The following SON variants were observed in gnomAD, a reference collection of about 807,000 sequenced individuals.
SON encodes the protein protein SON.
SON carries 4 observed loss-of-function variants against 173.3 expected under a neutral mutation model. That is an observed-to-expected ratio of 0.02 (90% confidence interval 0.01 to 0.05). The LOEUF (loss-of-function observed/expected upper bound fraction) is 0.05. SON is among the 10% of genes least tolerant of loss of function. The probability of loss-of-function intolerance (pLI) is 1.00; values close to 1 mark genes in which losing one functional copy is unlikely to be tolerated. For missense variants in SON, 2,626 were observed against 3,055.3 expected, an observed-to-expected ratio of 0.86 and a Z score of 3.31; for synonymous variants, 1,190 against 1,105.9, an observed-to-expected ratio of 1.08 and a Z score of -1.51.
chr21:33,564,861 C>CAAAAAAA (rs60295815), intron 6 of SON, among the ~76,000 whole-genome samples: 72 of 98,270 alleles, frequency 7.3e-4, no homozygotes, highest in African/African-American at 2.6e-3. Flanking sequence ...AACTCCATCT[C>CAAAAAAA]AAAAAAAAAA....
In SON at chr21:33,554,148, T is replaced by C; in HGVS notation, c.4917T>C (p.His1639=). ...CTTTAACTACTCAAGATACTGAACATGACATGGTAATTTCCACCAGTCCTA... is the reference window on the plus strand; with the variant it reads ...CTTTAACTACTCAAGATACTGAACACGACATGGTAATTTCCACCAGTCCTA... ...DLSLTTQDTE[H]DMVISTSPSG... The change falls in exon 3 of 12, where the codon CAT becomes CAC. Residue 1639 remains histidine, a synonymous_variant. Transcript: ENST00000356577. 6.2e-7 allele frequency: 1 copy of C among 1,614,194 alleles called. No homozygotes were observed. Among genetic ancestry groups the C allele is most frequent in the Non-Finnish European group, 8.5e-7 (1 of 1,180,018 alleles).
rs188148876 is a variant in SON, at chr21:33,547,347, C to G, written c.244+968C>G. On this transcript the variant is annotated intron_variant, in intron 2 of 11. Coordinates refer to ENST00000356577, the MANE Select transcript of SON (RefSeq NM_138927.4). ...TTATTAAACAGTTGTGTAAAAATACCCATCCCACTTAAACTGCAGTGGATG... is the reference window on the plus strand; with the variant it reads ...TTATTAAACAGTTGTGTAAAAATACGCATCCCACTTAAACTGCAGTGGATG... Among the ~76,000 whole-genome samples the G allele has an allele frequency of 1.3e-3, 195 of 152,148 alleles. 4 individuals are homozygous for G. The highest frequency in any genetic ancestry group is 0.011 in the Admixed American group (162 of 15,280).
Position 33,575,824 on chromosome 21 carries a change from G to T in SON, c.7152G>T (p.Arg2384Ser). Reference protein sequence around the residue: ...SALMEICNKRRWQPPEFLLVH... With the variant: ...SALMEICNKRSWQPPEFLLVH... ...TGATGGAGATCTGTAATAAAAGAAG[G>T]TGGCAACCACCTGAATTTCTATTGG... Residue 2384 changes from arginine to serine, a missense_variant, in exon 11 of 12, where the codon AGG (arginine) becomes AGT (serine). Transcript: ENST00000356577. 1 of 1,613,062 alleles carries T rather than the reference G, an allele frequency of 6.2e-7. No homozygotes were observed. The highest frequency in any genetic ancestry group is 8.5e-7 in the Non-Finnish European group (1 of 1,179,078).
rs753150711 is a variant in SON at position 33,549,754 on chromosome 21, G to C, written c.523G>C (p.Gly175Arg). Residue 175 changes from glycine to arginine, a missense_variant, in exon 3 of 12, where the codon GGC becomes CGC. Coordinates refer to ENST00000356577, the MANE Select transcript of SON (RefSeq NM_138927.4). ...VALELPTRAF[G>R]PSETNESPAV... Reference sequence around the variant, plus strand: ...GCTGGAGCTTCCTACAAGAGCATTTGGCCCATCTGAGACCAATGAATCCCC... The same window carrying C: ...GCTGGAGCTTCCTACAAGAGCATTTCGCCCATCTGAGACCAATGAATCCCC... The C allele has an allele frequency of 6.2e-7, 1 of 1,614,146 alleles. No individual in the cohort carries two copies. The highest frequency in any genetic ancestry group is 8.5e-7 in the Non-Finnish European group (1 of 1,180,032).
chr21:33,575,765 C>T lies in SON; in HGVS notation c.7106-13C>T. On this transcript the variant is annotated splice_polypyrimidine_tract_variant and intron_variant, in intron 10 of 11. Transcript: ENST00000356577. ...GGAAATAATTTAAAACTGGGTATTT[C>T]TCCCCCCTGCAGGCAAACATCCTGT... 1.3e-6 allele frequency: 2 copies of T among 1,578,910 alleles called. No individual in the cohort carries two copies. Among genetic ancestry groups the T allele is most frequent in the Non-Finnish European group, 1.7e-6 (2 of 1,150,314 alleles).
At chr21:33,570,599 A>G (rs948544683) in intron 8 of SON, among the ~76,000 whole-genome samples, 1 of 152,196 alleles carries the variant, frequency 6.6e-6, no homozygotes, top group Admixed American at 6.5e-5. Context: ...TTGGACTTCT[A>G]TATTATAGTT....
chr21:33,543,270 G>T, intron 1 of SON, 101 bp downstream of exon 1: 1 of 1,115,256 alleles, frequency 9.0e-7, no homozygotes. Context: ...CCCCGGCTCA[G>T]GCCCCGCTAG....
At chr21:33,548,712 T>G (rs958828406) in intron 2 of SON, among the ~76,000 whole-genome samples, 1 of 152,276 alleles carries the variant, frequency 6.6e-6, no homozygotes, top group Non-Finnish European at 1.5e-5. Flanking sequence ...AGTGGCAGTC[T>G]GTTCCAGAGC....
At chr21:33,564,892 A>G (rs2086138826) in intron 6 of SON, among the ~76,000 whole-genome samples, 1 of 151,516 alleles carries the variant, frequency 6.6e-6, no homozygotes, top group African/African-American at 2.4e-5. Flanking sequence ...TGAAACCAGT[A>G]GTCAAATTAC....
intron 7 of SON, 83 bp from the exon 8 acceptor site, chr21:33,568,888 C>G (rs1027719268): frequency 1.3e-6 from 1 of 749,824 alleles, no homozygotes. Flanking sequence ...GTCTGCTTTT[C>G]AGCCATTTTT....
chr21:33,551,100 G>T lies in SON; in HGVS notation c.1869G>T (p.Gln623His). Residue 623 changes from glutamine to histidine, a missense_variant, in exon 3 of 12, where the codon CAG (glutamine) becomes CAT (histidine). Coordinates refer to ENST00000356577, the MANE Select transcript of SON (RefSeq NM_138927.4). ...CTGGAGCACTGGAGCTTTTGGGGCAGCCTCTGGCAACAGGGGTGCTGGAGT... is the reference window on the plus strand; with the variant it reads ...CTGGAGCACTGGAGCTTTTGGGGCATCCTCTGGCAACAGGGGTGCTGGAGT... ...GAAGALELLG[Q>H]PLATGVLELP... 6.2e-7 allele frequency: 1 copy of T among 1,612,924 alleles called. No individual in the cohort carries two copies. The highest frequency in any genetic ancestry group is 1.3e-5 in the African/African-American group (1 of 74,930).
At chr21:33,555,607 C>T (rs144225793) in intron 3 of SON, among the ~76,000 whole-genome samples, 15 of 152,188 alleles carry the variant, frequency 9.9e-5, no homozygotes, top group African/African-American at 3.6e-4. Flanking sequence ...TATAATAGAA[C>T]CAAGGTGTTT....
chr21:33,572,280 T>A (rs1029077114), intron 8 of SON: 1 of 153,124 alleles, frequency 6.5e-6, no homozygotes, highest in African/African-American at 2.4e-5. Flanking sequence ...ATGTTTCAAA[T>A]TTTTAAAAAA....
intron 1 of SON, 55 bp downstream of exon 1, chr21:33,543,224 CCTT>C (rs2085501360): frequency 6.9e-7 from 1 of 1,439,644 alleles, no homozygotes; most frequent in African/African-American, 1.4e-5. Flanking sequence ...CCTCACCTAG[CCTT>C]CTTTGGCACC....
intron 1 of SON, among the ~76,000 whole-genome samples, chr21:33,544,460 A>C (rs890350546): frequency 1.3e-5 from 2 of 152,212 alleles, no homozygotes; most frequent in African/African-American, 4.8e-5. Flanking sequence ...TCCTTTAGAA[A>C]ATGAGCGTTT....
chr21:33,577,099 T>A lies in SON; in HGVS notation c.*675T>A, dbSNP rs1481396650. On this transcript the variant is annotated 3_prime_UTR_variant, in exon 12 of 12. Coordinates refer to ENST00000356577, the MANE Select transcript of SON (RefSeq NM_138927.4). ...AAGAAAGTGGTATGTTGTGTGATGA[T>A]CAGCACTAAGTCCTGCATTCCTGTT... 6.4e-6 allele frequency: 1 copy of A among 157,396 alleles called. No homozygotes were observed. Among genetic ancestry groups the A allele is most frequent in the Non-Finnish European group, 1.4e-5 (1 of 70,576 alleles). 9.7% of individuals were successfully genotyped at this position (157,396 alleles called of 1,614,324 possible).
rs1276876970 is a variant in SON at position 33,559,946 on chromosome 21, A to G, written c.6657+171A>G. 6.2e-7 allele frequency: 1 copy of G among 1,613,924 alleles called. No homozygotes were observed. Among genetic ancestry groups the G allele is most frequent in the Non-Finnish European group, 8.5e-7 (1 of 1,179,836 alleles). ...ACCCGCAGCTTCTCATTTGACAGTA[A>G]CTCGATGCAATTCACTTTGTGGAAC... On this transcript the variant is annotated intron_variant, in intron 6 of 11. Coordinates refer to ENST00000356577, the MANE Select transcript of SON (RefSeq NM_138927.4). The surrounding 1 kb of genome is among the most constrained non-coding windows in gnomAD (Gnocchi z 4.1).
intron 8 of SON, chr21:33,572,676 G>C: frequency 9.9e-7 from 1 of 1,005,332 alleles, no homozygotes; most frequent in Non-Finnish European, 1.4e-6. Context: ...TTAACATCAA[G>C]CTAGGTTTTA....
chr21:33,550,054 G>A lies in SON; in HGVS notation c.823G>A (p.Val275Met). The A allele has an allele frequency of 4.3e-6, 7 of 1,614,160 alleles. No individual in the cohort carries two copies. The highest frequency in any genetic ancestry group is 5.9e-6 in the Non-Finnish European group (7 of 1,180,044). The stretch of plus-strand genomic sequence containing the variant: ...GTCAGTGGAGTATCAGATGAAGTCT[G>A]TGCTGAAATCTGTGGAGAGCACATC... ...TMSVEYQMKS[V>M]LKSVESTSPE... is the part of the protein sequence containing the mutation. Residue 275 changes from valine to methionine, a missense_variant, in exon 3 of 12, where the codon GTG (valine) becomes ATG (methionine). Around this residue, in one of 13 missense-constraint regions of SON, gnomAD observed 757 missense variants for 730.1 expected, o/e 1.04. Coordinates refer to ENST00000356577, the MANE Select transcript of SON (RefSeq NM_138927.4).
Sources: gnomAD v4.1 joint callset for allele counts (sites outside exome capture counted in the v4.1 genomes callset) on GRCh38, gnomAD v4.1.1 for gene constraint, gnomAD v4.1.1 regional missense constraint, Gnocchi (gnomAD v3.1) non-coding constraint, MANE v1.5 for transcripts, NCBI Gene and HGNC (gene_info 2026-07-23, HGNC 2026-07-21) for gene names.